The following CNTN3 variants were observed in gnomAD, a reference collection of about 807,000 sequenced individuals.
CNTN3 encodes contactin-3.
CNTN3 carries 60 observed loss-of-function variants against 119.1 expected under a neutral mutation model. That is an observed-to-expected ratio of 0.50 (90% CI 0.41 to 0.62). CNTN3 has a LOEUF of 0.62. Ranked by LOEUF, CNTN3 falls within the 20% of genes least tolerant of loss-of-function variation. CNTN3 has a pLI of 0.00. For missense variants in CNTN3, 1,101 were observed against 1,242.4 expected (o/e 0.89, Z 1.71); for synonymous variants, 450 against 438.7 (o/e 1.03, Z -0.32).
intron 13 of CNTN3, among the ~76,000 whole-genome samples, chr3:74,304,984 T>A (rs545113623): frequency 2.6e-4 from 39 of 152,284 alleles, no homozygotes; most frequent in Admixed American, 2.6e-3. Flanking sequence ...TCTCTCCCAC[T>A]CTATGATCTT....
At chr3:74,460,364 T>A (rs1346551298) in intron 4 of CNTN3, among the ~76,000 whole-genome samples, 1 of 151,938 alleles carries the variant, frequency 6.6e-6, no homozygotes, top group East Asian at 1.9e-4. Flanking sequence ...TACATATCAA[T>A]TTGAGGAGAA....
At chr3:74,510,689 A>G (rs2107103030) in intron 2 of CNTN3, among the ~76,000 whole-genome samples, 1 of 152,244 alleles carries the variant, frequency 6.6e-6, no homozygotes, top group African/African-American at 2.4e-5. Context: ...AGGAAGGGTC[A>G]GCATTTGCAA....
At chr3:74,267,196 T>G in intron 21 of CNTN3, 70 bp downstream of exon 21, 2 of 917,620 alleles carry the variant, frequency 2.2e-6, no homozygotes, top group Non-Finnish European at 3.6e-6. Context: ...AAAATTCACT[T>G]ATACCTAGCT....
rs1704084788 is a variant in CNTN3 at position 74,362,021 on chromosome 3, T to C, written c.1233A>G (p.Ser411=). 3.1e-6 allele frequency: 5 copies of C among 1,613,378 alleles called. No individual in the cohort carries two copies. In the African/African-American group the frequency reaches 4.0e-5, roughly 13 times the overall value. The part of the protein sequence containing the change: ...LKVVASAPDF[S]KNPMKKLVQV... ...GAACCAACTTCTTCATTGGATTCTT[T>C]GAAAAATCTGGAGCAGAAGCTGAAA... Residue 411 remains serine (S), a synonymous_variant, in exon 11 of 23, where the codon TCA becomes TCG. Coordinates refer to ENST00000263665, the MANE Select transcript of CNTN3 (RefSeq NM_020872.3).
chr3:74,561,283 A>G (rs970122507), intron 1 of CNTN3, among the ~76,000 whole-genome samples: 14 of 152,092 alleles, frequency 9.2e-5, no homozygotes, highest in Non-Finnish European at 1.8e-4. Context: ...TCCTCCCAGC[A>G]GCCAATGTTC....
At chr3:74,488,686 C>CT (rs1260501459) in intron 3 of CNTN3, among the ~76,000 whole-genome samples, 1 of 152,112 alleles carries the variant, frequency 6.6e-6, no homozygotes, top group African/African-American at 2.4e-5. Context: ...GGCTTTCTCA[C>CT]TTTTTCTGTT....
chr3:74,373,998 G>T (rs1200424593), intron 5 of CNTN3, among the ~76,000 whole-genome samples: 2 of 152,090 alleles, frequency 1.3e-5, no homozygotes, highest in East Asian at 1.9e-4. Context: ...GCCTCTACCT[G>T]CTACCCCAGG....
At chr3:74,406,689 A>T (rs1261485585) in intron 5 of CNTN3, among the ~76,000 whole-genome samples, 1 of 152,126 alleles carries the variant, frequency 6.6e-6, no homozygotes, top group African/African-American at 2.4e-5. Flanking sequence ...CTTCATCCAG[A>T]TACTTTACTT....
Position 74,594,445 on chromosome 3 carries a change from C to A in CNTN3, c.-81+19946G>T, listed in dbSNP as rs151016966. Among the ~76,000 whole-genome samples the A allele has an allele frequency of 3.8e-4, 57 of 150,664 alleles. 2 individuals carry two copies. The East Asian group carries it at 0.011, about 28-fold the overall frequency. ...TCTCCTAATGCTATCCCTCCCCTCTCCCCCCACCCCACAACACTCCCCAGA... is the reference window on the plus strand; with the variant it reads ...TCTCCTAATGCTATCCCTCCCCTCTACCCCCACCCCACAACACTCCCCAGA... On this transcript the variant is annotated intron_variant, in intron 1 of 22. Transcript: ENST00000263665.
At chr3:74,381,551 C>T (rs1222968257) in intron 5 of CNTN3, among the ~76,000 whole-genome samples, 1 of 152,070 alleles carries the variant, frequency 6.6e-6, no homozygotes, top group Non-Finnish European at 1.5e-5. Context: ...GTTTTATAGG[C>T]TTTGAGAAAA....
At chr3:74,275,042 T>C (rs1701853609) in intron 20 of CNTN3, among the ~76,000 whole-genome samples, 1 of 152,056 alleles carries the variant, frequency 6.6e-6, no homozygotes, top group Non-Finnish European at 1.5e-5. Context: ...ATTGAACAAG[T>C]AGAAGAAAGA....
intron 2 of CNTN3, among the ~76,000 whole-genome samples, chr3:74,515,243 G>A (rs746294039): frequency 8.6e-5 from 13 of 152,034 alleles, no homozygotes; most frequent in Non-Finnish European, 1.9e-4. Flanking sequence ...GATAGACACT[G>A]CACAGTTGAA....
intron 13 of CNTN3, among the ~76,000 whole-genome samples, chr3:74,305,416 C>G (rs1033524186): frequency 3.3e-5 from 5 of 152,096 alleles, no homozygotes; most frequent in African/African-American, 9.7e-5. Context: ...ATATGCCCTA[C>G]AGAATGGCAT....
chr3:74,551,257 C>T (rs1025097018), intron 1 of CNTN3, among the ~76,000 whole-genome samples: 7 of 152,176 alleles, frequency 4.6e-5, no homozygotes, highest in African/African-American at 1.7e-4. Context: ...ATCTTAAATA[C>T]ACTCCACGAC....
chr3:74,357,811 G>A (rs1703973788), intron 11 of CNTN3, among the ~76,000 whole-genome samples: 1 of 151,964 alleles, frequency 6.6e-6, no homozygotes, highest in African/African-American at 2.4e-5. Flanking sequence ...TTCAAATTTT[G>A]TCATAAATAT....
chr3:74,346,582 G>T (rs1387291141), intron 11 of CNTN3, among the ~76,000 whole-genome samples: 3 of 152,264 alleles, frequency 2.0e-5, no homozygotes, highest in Non-Finnish European at 2.9e-5. Flanking sequence ...TTACCTCAGT[G>T]TAACAATTCT....
At chr3:74,345,644 GT>G (rs1703671594) in intron 11 of CNTN3, among the ~76,000 whole-genome samples, 1 of 152,094 alleles carries the variant, frequency 6.6e-6, no homozygotes, top group African/African-American at 2.4e-5. Context: ...AGTATGAGGA[GT>G]ATAAGTAGTA....
At chr3:74,479,112 T>G (rs1559623862) in intron 4 of CNTN3, among the ~76,000 whole-genome samples, 1 of 151,922 alleles carries the variant, frequency 6.6e-6, no homozygotes, top group South Asian at 2.1e-4. Flanking sequence ...AGAGAAACAA[T>G]CTATTCCAGG....
At chr3:74,523,411 A>G (rs887751605) in intron 1 of CNTN3, among the ~76,000 whole-genome samples, 14 of 151,906 alleles carry the variant, frequency 9.2e-5, no homozygotes, top group African/African-American at 3.4e-4. Context: ...AATCTGATAC[A>G]TATATATGTC....
Sources: gnomAD v4.1 joint callset for allele counts (sites outside exome capture counted in the v4.1 genomes callset) on GRCh38, gnomAD v4.1.1 for gene constraint, MANE v1.5 for transcripts, NCBI Gene and HGNC (gene_info 2026-07-23, HGNC 2026-07-21) for gene names.